The following TRPC4 variants were observed in gnomAD, a reference collection of about 807,000 sequenced individuals.
The protein encoded by TRPC4 is transient receptor potential cation channel subfamily C member 4, also known as short transient receptor potential channel 4.
Under a neutral mutation model 99.4 loss-of-function variants are expected in TRPC4, and 49 were observed. The ratio of observed to expected loss-of-function variants is 0.49; its 90% confidence interval spans 0.39 to 0.63. TRPC4 has a LOEUF of 0.63. Among genes scored for constraint, TRPC4 ranks in the 20% least tolerant of loss-of-function variants. TRPC4 has a pLI of 0.00. For synonymous variants in TRPC4, 454 were observed against 425.9 expected (o/e 1.07, Z -0.81); for missense variants, 898 against 1,152.9 (o/e 0.78, Z 3.20).
At chr13:37,751,672 T>C (rs1955936973) in intron 2 of TRPC4, among the ~76,000 whole-genome samples, 1 of 152,140 alleles carries the variant, frequency 6.6e-6, no homozygotes, top group Non-Finnish European at 1.5e-5. Context: ...ATTGATTCAA[T>C]AATTTATTCA....
chr13:37,769,168 T>C (rs1256662286), intron 2 of TRPC4, among the ~76,000 whole-genome samples: 1 of 151,328 alleles, frequency 6.6e-6, no homozygotes, highest in Non-Finnish European at 1.5e-5. Flanking sequence ...TAAAGAAAAA[T>C]AATTTAAAAT....
intron 1 of TRPC4, among the ~76,000 whole-genome samples, chr13:37,831,096 AT>A (rs141053161): frequency 5.3e-5 from 8 of 150,986 alleles, no homozygotes; most frequent in Non-Finnish European, 5.9e-5. Context: ...GTACAGAAGA[AT>A]TTTTTTTTCA....
At chr13:37,812,176 C>CAAAAAAAAAAAAAAAAAA (rs61607544) in intron 1 of TRPC4, among the ~76,000 whole-genome samples, 10 of 55,152 alleles carry the variant, frequency 1.8e-4, no homozygotes, top group South Asian at 9.2e-4. Flanking sequence ...GAGACTCTAT[C>CAAAAAAAAAAAAAAAAAA]AAAAAAAAAA....
At chr13:37,643,934 C>T (rs367611519) in intron 8 of TRPC4, among the ~76,000 whole-genome samples, 2 of 152,048 alleles carry the variant, frequency 1.3e-5, no homozygotes, top group South Asian at 2.1e-4. Context: ...TCGGTCTTCA[C>T]ATGGCCATGT....
chr13:37,726,882 C>G (rs545240505), intron 3 of TRPC4, among the ~76,000 whole-genome samples: 1 of 152,074 alleles, frequency 6.6e-6, no homozygotes, highest in African/African-American at 2.4e-5. Flanking sequence ...AGGTTTATTA[C>G]AAGAAGATAT....
intron 1 of TRPC4, among the ~76,000 whole-genome samples, chr13:37,821,336 T>C (rs1460209369): frequency 6.6e-6 from 1 of 151,214 alleles, no homozygotes; most frequent in Non-Finnish European, 1.5e-5. Context: ...AATGGAAAAA[T>C]AGTCCAAGTT....
chr13:37,742,871 A>G (rs1955632235), intron 3 of TRPC4, among the ~76,000 whole-genome samples: 1 of 152,184 alleles, frequency 6.6e-6, no homozygotes, highest in South Asian at 2.1e-4. Flanking sequence ...GTAAAACACA[A>G]CTTATGATTT....
At chr13:37,843,886 C>T (rs2139650121) in intron 1 of TRPC4, among the ~76,000 whole-genome samples, 1 of 152,254 alleles carries the variant, frequency 6.6e-6, no homozygotes, top group South Asian at 2.1e-4. Context: ...TTTCTTTGGA[C>T]CAAAGCACTG....
intron 1 of TRPC4, among the ~76,000 whole-genome samples, chr13:37,868,830 G>A (rs1227781519): frequency 2.0e-5 from 3 of 152,152 alleles, no homozygotes; most frequent in African/African-American, 7.2e-5. Context: ...CAAGATAAGA[G>A]ATCCCTTTCC....
intron 2 of TRPC4, among the ~76,000 whole-genome samples, chr13:37,775,777 T>G (rs9548044): frequency 0.27 from 40,244 of 150,096 alleles, 5,878 homozygotes; most frequent in East Asian, 0.66. Context: ...TTTTATTACT[T>G]GTGGCTTTTT....
At chr13:37,658,740 T>A (rs930048760) in intron 6 of TRPC4, among the ~76,000 whole-genome samples, 1 of 152,282 alleles carries the variant, frequency 6.6e-6, no homozygotes, top group East Asian at 1.9e-4. Flanking sequence ...AAATATTTTG[T>A]GTTTTTTGGT....
In TRPC4 at chr13:37,637,168, C is replaced by A; in HGVS notation, c.2669G>T (p.Gly890Val). Reference sequence around the variant, plus strand: ...GCTCAGGTCACCCCGTGAAGCTAATCCTCGAGATTCCAGTTGAATATTTCT... The same window carrying A: ...GCTCAGGTCACCCCGTGAAGCTAATACTCGAGATTCCAGTTGAATATTTCT... ...LERNIQLESR[G>V]LASRGDLSIP... Residue 890 changes from glycine (G) to valine (V), a missense_variant, in exon 11 of 11, where the codon GGA becomes GTA. Gly to Val is a moderately radical substitution (Grantham distance 109, BLOSUM62 -3). Around this residue, in one of 3 missense-constraint regions of TRPC4, gnomAD observed 346 missense variants for 351.4 expected, o/e 0.98. Coordinates refer to ENST00000379705, the MANE Select transcript of TRPC4 (RefSeq NM_016179.4). 4 of 1,613,824 alleles carry A rather than the reference C, an allele frequency of 2.5e-6. No individual in the cohort carries two copies. Among genetic ancestry groups the A allele is most frequent in the Non-Finnish European group, 2.5e-6 (3 of 1,179,852 alleles).
intron 1 of TRPC4, among the ~76,000 whole-genome samples, chr13:37,862,956 G>C (rs1286308292): frequency 6.6e-6 from 1 of 151,342 alleles, no homozygotes; most frequent in Non-Finnish European, 1.5e-5. Context: ...TATTTTTACT[G>C]TACTTTTTCT....
chr13:37,669,646 A>G (rs1424761786), intron 5 of TRPC4, among the ~76,000 whole-genome samples: 1 of 152,166 alleles, frequency 6.6e-6, no homozygotes, highest in African/African-American at 2.4e-5. Context: ...GTTCTATTCT[A>G]TGGAATTAAA....
At chr13:37,839,420 G>A in intron 1 of TRPC4, among the ~76,000 whole-genome samples, 1 of 151,984 alleles carries the variant, frequency 6.6e-6, no homozygotes, top group Non-Finnish European at 1.5e-5. Context: ...GCACATCCAG[G>A]GTTAATCTAT....
chr13:37,695,059 A>G (rs1953862879), intron 3 of TRPC4, among the ~76,000 whole-genome samples: 1 of 152,178 alleles, frequency 6.6e-6, no homozygotes, highest in South Asian at 2.1e-4. Context: ...GATTGAAATA[A>G]TTAAAATTTT....
At chr13:37,661,553 A>G (rs1310474611) in intron 6 of TRPC4, among the ~76,000 whole-genome samples, 1 of 152,228 alleles carries the variant, frequency 6.6e-6, no homozygotes, top group Non-Finnish European at 1.5e-5. Flanking sequence ...GGATATGGCA[A>G]CAGGAACAGA....
At chr13:37,690,306 A>AGGG (rs1953639474) in intron 4 of TRPC4, among the ~76,000 whole-genome samples, 1 of 152,084 alleles carries the variant, frequency 6.6e-6, no homozygotes, top group South Asian at 2.1e-4. Context: ...GAGCCTTTTT[A>AGGG]ATTTTTCTTC....
chr13:37,658,752 A>G lies in TRPC4; in HGVS notation c.1689-3469T>C, dbSNP rs576330596. Among the ~76,000 whole-genome samples, 61 of 152,322 alleles carry G rather than the reference A, an allele frequency of 4.0e-4. 2 individuals carry two copies. In the South Asian group the frequency reaches 7.9e-3, roughly 20 times the overall value. ...ACTAAATATTTTGTGTTTTTTGGTA[A>G]CATGTAGTTCTTCTCAGGGTAATGA... On this transcript the variant is annotated intron_variant, in intron 6 of 10. Coordinates refer to ENST00000379705, the MANE Select transcript of TRPC4 (RefSeq NM_016179.4).
Sources: gnomAD v4.1 joint callset for allele counts (sites outside exome capture counted in the v4.1 genomes callset) on GRCh38, gnomAD v4.1.1 for gene constraint, gnomAD v4.1.1 regional missense constraint, MANE v1.5 for transcripts, NCBI Gene and HGNC (gene_info 2026-07-23, HGNC 2026-07-21) for gene names.